Variants in ZNF536 observed in about 807,000 individuals in gnomAD.
ZNF536 encodes zinc finger protein 536.
A neutral mutation model predicts 84.5 loss-of-function variants in ZNF536; 13 were observed. The ratio of observed to expected loss-of-function variants is 0.15; its 90% CI spans 0.10 to 0.24. ZNF536 has a LOEUF of 0.24. Ranked by LOEUF, ZNF536 falls within the 10% of genes least tolerant of loss-of-function variation. The probability of loss-of-function intolerance (pLI) is 1.00; values close to 1 mark genes in which losing one functional copy is unlikely to be tolerated. For synonymous variants in ZNF536, 811 were observed against 742.5 expected (o/e 1.09, Z -1.50); for missense variants, 1,536 against 1,747.5 (o/e 0.88, Z 2.16).
intron 1 of ZNF536, among the ~76,000 whole-genome samples, chr19:30,570,292 A>T (rs1568564289): frequency 6.6e-6 from 1 of 152,040 alleles, no homozygotes; most frequent in Admixed American, 6.6e-5. Flanking sequence ...GTTGATGAAA[A>T]ACTTTGTAAG....
chr19:30,680,170 AG>A (rs2050909264), intron 1 of ZNF536, among the ~76,000 whole-genome samples: 1 of 152,076 alleles, frequency 6.6e-6, no homozygotes. Context: ...ATGGGGAGGC[AG>A]GGGCCCCATG....
At chr19:30,567,238 C>T (rs1467606801) in intron 1 of ZNF536, among the ~76,000 whole-genome samples, 2 of 152,234 alleles carry the variant, frequency 1.3e-5, no homozygotes, top group African/African-American at 2.4e-5. Context: ...TTCTGAGCCA[C>T]GATTCTGCGA....
intron 1 of ZNF536, among the ~76,000 whole-genome samples, chr19:30,639,554 A>G (rs964101387): frequency 6.6e-6 from 1 of 152,112 alleles, no homozygotes; most frequent in African/African-American, 2.4e-5. Flanking sequence ...TCTAGGGAGG[A>G]TTTACTTTTG....
At chr19:30,631,497 T>C (rs1182461071) in intron 1 of ZNF536, among the ~76,000 whole-genome samples, 1 of 152,222 alleles carries the variant, frequency 6.6e-6, no homozygotes, top group Non-Finnish European at 1.5e-5. Flanking sequence ...TGCTCACGAA[T>C]GTCTTCTTTA....
At chr19:30,267,667 C>G (rs2025585957) in intron 1 of ZNF536, among the ~76,000 whole-genome samples, 1 of 152,086 alleles carries the variant, frequency 6.6e-6, no homozygotes, top group Admixed American at 6.6e-5. Context: ...TCAGGCATCT[C>G]CTGACTCCCT....
chr19:30,416,720 C>T (rs1172711504), intron 1 of ZNF536, among the ~76,000 whole-genome samples: 7 of 152,162 alleles, frequency 4.6e-5, no homozygotes, highest in Non-Finnish European at 7.4e-5. Flanking sequence ...GTTGATGAGG[C>T]AACTTTAAAC....
chr19:30,304,210 C>T (rs1022685893), intron 2 of ZNF536, among the ~76,000 whole-genome samples: 6 of 152,312 alleles, frequency 3.9e-5, no homozygotes, highest in Middle Eastern at 3.4e-3. Flanking sequence ...CACAAACTTT[C>T]GCACAAACTT....
At chr19:30,546,664 C>T (rs1387669764) in intron 3 of ZNF536, among the ~76,000 whole-genome samples, 3 of 152,146 alleles carry the variant, frequency 2.0e-5, no homozygotes, top group East Asian at 1.9e-4. Context: ...TTTGTTGTTA[C>T]TTTTTAGATC....
chr19:30,665,023 TA>T (rs921895041), intron 1 of ZNF536, among the ~76,000 whole-genome samples: 2 of 152,134 alleles, frequency 1.3e-5, no homozygotes, highest in African/African-American at 4.8e-5. Context: ...TAATATCCAG[TA>T]AAAAAATTAA....
chr19:30,344,153 G>A (rs892244006), intron 2 of ZNF536, among the ~76,000 whole-genome samples: 8 of 151,518 alleles, frequency 5.3e-5, no homozygotes, highest in Admixed American at 2.0e-4. Flanking sequence ...CCAGTTGGCA[G>A]ACAAGGACAG....
At chr19:30,396,592 C>CTTTTTTTTTTTTTTTTTTTTT (rs386388859) in intron 1 of ZNF536, among the ~76,000 whole-genome samples, 1 of 112,402 alleles carries the variant, frequency 8.9e-6, no homozygotes, top group African/African-American at 3.4e-5. Flanking sequence ...AGGGCTCTCT[C>CTTTTTTTTTTTTTTTTTTTTT]TTTTTTTTTT....
intron 3 of ZNF536, among the ~76,000 whole-genome samples, chr19:30,366,143 C>T (rs914056267): frequency 2.0e-5 from 3 of 152,150 alleles, no homozygotes; most frequent in Non-Finnish European, 4.4e-5. Context: ...ATGGTCCTTC[C>T]CTTTGAATCC....
chr19:30,308,714 G>A (rs1020081417), intron 2 of ZNF536, among the ~76,000 whole-genome samples: 3 of 152,156 alleles, frequency 2.0e-5, no homozygotes, highest in Non-Finnish European at 2.9e-5. Flanking sequence ...TCTCCAGACA[G>A]CTTGGGAACT....
intron 1 of ZNF536, among the ~76,000 whole-genome samples, chr19:30,407,673 C>A (rs1415345101): frequency 6.6e-6 from 1 of 152,238 alleles, no homozygotes; most frequent in Non-Finnish European, 1.5e-5. Flanking sequence ...TGCTGTCTCT[C>A]CTTTCAGGCC....
upstream of ZNF536, among the ~76,000 whole-genome samples, chr19:30,370,098 G>C (rs1031899058): frequency 1.3e-5 from 2 of 152,206 alleles, no homozygotes; most frequent in African/African-American, 4.8e-5. Context: ...AGAGAAGGCA[G>C]ACACTTCAAA....
chr19:30,404,310 A>G (rs2050176999), intron 1 of ZNF536, among the ~76,000 whole-genome samples: 1 of 151,298 alleles, frequency 6.6e-6, no homozygotes. Context: ...TATTTGGGGC[A>G]GGCCAGAGGG....
chr19:30,251,548 T>C (rs1312944264), intron 1 of ZNF536, among the ~76,000 whole-genome samples: 1 of 152,208 alleles, frequency 6.6e-6, no homozygotes, highest in Non-Finnish European at 1.5e-5. Context: ...CCTTGAAATT[T>C]AAAAACATCA....
chr19:30,635,422 C>A (rs530216051), intron 1 of ZNF536, among the ~76,000 whole-genome samples: 2 of 152,302 alleles, frequency 1.3e-5, no homozygotes, highest in Admixed American at 1.3e-4. Context: ...GTGCAATTCA[C>A]AGAACTGGGC....
chr19:30,473,264 CT>C (rs1337707939), intron 2 of ZNF536, among the ~76,000 whole-genome samples: 2 of 151,886 alleles, frequency 1.3e-5, no homozygotes, highest in Admixed American at 1.3e-4. Context: ...GATATAACAT[CT>C]TGAGATTAGG....
Sources: allele counts gnomAD v4.1 joint callset (sites outside exome capture counted in the v4.1 genomes callset), GRCh38; gene constraint gnomAD v4.1.1; transcripts MANE v1.5; gene names NCBI Gene and HGNC (gene_info 2026-07-23, HGNC 2026-07-21).